The following COL24A1 variants were observed in gnomAD, a reference collection of about 807,000 sequenced individuals.
COL24A1 encodes the protein collagen type XXIV alpha 1 chain.
Under a neutral mutation model 253.9 loss-of-function variants are expected in COL24A1, and 224 were observed. That is an observed-to-expected ratio of 0.88 (90% CI 0.79 to 0.99). COL24A1 has a LOEUF of 0.99. Ranked by LOEUF, COL24A1 falls within the 50% of genes least tolerant of loss-of-function variation. COL24A1 has a pLI of 0.00. For missense variants in COL24A1, 2,131 were observed against 2,068.5 expected (o/e 1.03, Z -0.59); for synonymous variants, 685 against 673.7 (o/e 1.02, Z -0.26).
intron 24 of COL24A1, among the ~76,000 whole-genome samples, chr1:85,920,588 G>A (rs756842816): frequency 2.6e-4 from 39 of 152,054 alleles, no homozygotes; most frequent in Non-Finnish European, 3.4e-4. Context: ...TGAATGGGTG[G>A]TAATTTAACA....
At chr1:85,800,569 A>G (rs1384790179) in intron 47 of COL24A1, among the ~76,000 whole-genome samples, 1 of 152,222 alleles carries the variant, frequency 6.6e-6, no homozygotes, top group Non-Finnish European at 1.5e-5. Flanking sequence ...CTGGAGAATC[A>G]GGTTTGGAAA....
chr1:85,837,498 A>C (rs188467410), intron 43 of COL24A1, among the ~76,000 whole-genome samples: 2 of 152,212 alleles, frequency 1.3e-5, no homozygotes, highest in African/African-American at 4.8e-5. Context: ...TATCAGATTA[A>C]TTAACCCATC....
At chr1:85,813,189 TA>T (rs1394988974) in intron 47 of COL24A1, among the ~76,000 whole-genome samples, 2 of 151,952 alleles carry the variant, frequency 1.3e-5, no homozygotes, top group African/African-American at 4.8e-5. Context: ...AAGATATGCA[TA>T]AAAACCTGTA....
chr1:85,832,062 C>A (rs1675360793), intron 43 of COL24A1, among the ~76,000 whole-genome samples: 1 of 151,934 alleles, frequency 6.6e-6, no homozygotes, highest in Non-Finnish European at 1.5e-5. Context: ...GGTTTTAGGT[C>A]TAACATGTAA....
At chr1:85,826,799 T>C (rs1185386659) in intron 43 of COL24A1, among the ~76,000 whole-genome samples, 1 of 152,144 alleles carries the variant, frequency 6.6e-6, no homozygotes, top group African/African-American at 2.4e-5. Context: ...TTGCTGAAGT[T>C]GCTTATCAGC....
intron 47 of COL24A1, among the ~76,000 whole-genome samples, chr1:85,815,145 A>G (rs1433271430): frequency 6.6e-6 from 1 of 152,190 alleles, no homozygotes; most frequent in African/African-American, 2.4e-5. Flanking sequence ...AATTCTCAAA[A>G]ATCTTATTCA....
intron 43 of COL24A1, among the ~76,000 whole-genome samples, chr1:85,832,823 T>G (rs1254332106): frequency 6.6e-6 from 1 of 150,544 alleles, no homozygotes; most frequent in Admixed American, 6.6e-5. Context: ...AAGGAGATTT[T>G]GGGCCGAGAC....
At position 85,761,536 on chromosome 1, in the gene COL24A1, G is replaced by T; in HGVS notation, c.4405C>A (p.Pro1469Thr). 1 of 1,614,058 alleles carries T rather than the reference G, an allele frequency of 6.2e-7. No homozygotes were observed. Among genetic ancestry groups the T allele is most frequent in the Non-Finnish European group, 8.5e-7 (1 of 1,179,966 alleles). Residue 1469 changes from proline (P) to threonine (T), a missense_variant, in exon 54 of 60, where the codon CCT becomes ACT. Physicochemically the swap from Pro to Thr is conservative, Grantham distance 38. Transcript: ENST00000370571. The stretch of plus-strand genomic sequence containing the variant: ...ATAAATGAAAACCAACTCACTGGAG[G>T]CCCTGGTTGACCTCTTGGTCCTTGA... ...GPQGPRGQPG[P>T]PGPPGAPGPR...
At chr1:85,809,805 A>T (rs1672350015) in intron 47 of COL24A1, among the ~76,000 whole-genome samples, 1 of 147,788 alleles carries the variant, frequency 6.8e-6, no homozygotes, top group African/African-American at 2.5e-5. Flanking sequence ...TATAGTATAT[A>T]ATATTATATA....
chr1:85,874,815 G>A, intron 34 of COL24A1, 113 bp from the exon 35 acceptor site: 1 of 1,117,782 alleles, frequency 8.9e-7, no homozygotes, highest in Non-Finnish European at 1.3e-6. Flanking sequence ...GAGGGTACCT[G>A]TCCAAGGCCT....
intron 18 of COL24A1, among the ~76,000 whole-genome samples, chr1:86,020,800 T>A (rs72716124): frequency 0.046 from 7,077 of 152,270 alleles, 239 homozygotes; most frequent in Middle Eastern, 0.13. Context: ...GAACCATCCT[T>A]GAAAAACAGA....
chr1:85,877,221 A>G, intron 32 of COL24A1, 46 bp from the exon 33 acceptor site: 1 of 1,312,684 alleles, frequency 7.6e-7, no homozygotes, highest in Non-Finnish European at 1.1e-6. Flanking sequence ...AGTTTACTCT[A>G]TGTCAGTAAA....
chr1:86,145,159 CCT>C (rs1047586435), intron 2 of COL24A1, among the ~76,000 whole-genome samples: 1 of 151,756 alleles, frequency 6.6e-6, no homozygotes, highest in Non-Finnish European at 1.5e-5. Flanking sequence ...TCCTTTTTGC[CCT>C]CTCTCTACCT....
chr1:85,756,057 CAA>C (rs200030128), intron 55 of COL24A1, among the ~76,000 whole-genome samples: 34 of 95,822 alleles, frequency 3.5e-4, no homozygotes, highest in African/African-American at 1.1e-3. Context: ...TACTAACAAC[CAA>C]AAAAAAAAAA....
At chr1:85,926,675 G>A (rs181164769) in intron 24 of COL24A1, among the ~76,000 whole-genome samples, 155 of 152,184 alleles carry the variant, frequency 1.0e-3, no homozygotes, top group Non-Finnish European at 1.7e-3. Context: ...CATGGGGTGA[G>A]GGGCAGGGGG....
chr1:85,793,318 T>C (rs921627268), intron 47 of COL24A1, among the ~76,000 whole-genome samples: 2 of 152,166 alleles, frequency 1.3e-5, no homozygotes, highest in African/African-American at 4.8e-5. Flanking sequence ...TTTAAGTCTT[T>C]TTTTGTCCCA....
intron 53 of COL24A1, among the ~76,000 whole-genome samples, chr1:85,766,945 A>G (rs755613414): frequency 1.6e-4 from 24 of 152,008 alleles, no homozygotes; most frequent in Admixed American, 4.6e-4. Flanking sequence ...TCTACTAAAA[A>G]TACAAAAAAT....
At position 85,833,741 on chromosome 1, in the gene COL24A1, A is replaced by G. The variant is rs563530150; in HGVS notation, c.3681+4844T>C. Among the ~76,000 whole-genome samples the G allele has an allele frequency of 5.4e-4, 83 of 152,314 alleles. 1 individual carries two copies. In the Middle Eastern group the frequency reaches 0.017, roughly 31 times the overall value. ...CAAATGTCCAACAACGATAGACTGG[A>G]TTAAGAAAATGTGGCACATATACAA... On this transcript the variant is annotated intron_variant, in intron 43 of 59. Coordinates refer to ENST00000370571, the MANE Select transcript of COL24A1 (RefSeq NM_152890.7).
chr1:86,033,897 TCTGTCTCCAAAGTCAC>T lies in COL24A1; in HGVS notation c.1961_1976del (p.Gly654GlufsTer13). The T allele has an allele frequency of 6.3e-7, 1 of 1,597,108 alleles. No individual in the cohort carries two copies. Among genetic ancestry groups the T allele is most frequent in the Non-Finnish European group, 8.5e-7 (1 of 1,173,214 alleles). On this transcript the variant is annotated frameshift_variant, in exon 13 of 60. Transcript: ENST00000370571. LOFTEE classifies it high-confidence loss of function. The stretch of plus-strand genomic sequence containing the variant: ...GACTGCCATCAAGACCAGCAGGGCC[TCTGTCTCCAAAGTCAC>T]CTGGAAAACCCTGTCACAGGGAAAG...
Sources: allele counts gnomAD v4.1 joint callset (sites outside exome capture counted in the v4.1 genomes callset), GRCh38; gene constraint gnomAD v4.1.1; transcripts MANE v1.5; gene names NCBI Gene and HGNC (gene_info 2026-07-23, HGNC 2026-07-21).